The following DIAPH2 variants were observed in gnomAD, a reference collection of about 807,000 sequenced individuals.
The protein encoded by DIAPH2 is protein diaphanous homolog 2.
In DIAPH2, 35 loss-of-function variants were observed where a neutral mutation model predicts 92.7. The observed-to-expected ratio is 0.38, with a 90% CI of 0.29 to 0.50. DIAPH2 has a LOEUF of 0.50. Ranked by LOEUF, DIAPH2 falls within the 20% of genes least tolerant of loss-of-function variation. DIAPH2 has a pLI of 0.94. For missense variants in DIAPH2, 701 were observed against 819.5 expected (o/e 0.86, Z 1.77); for synonymous variants, 301 against 280.4 (o/e 1.07, Z -0.73).
intron 23 of DIAPH2, among the ~76,000 whole-genome samples, chrX:97,278,722 T>G (rs943304622): frequency 8.9e-6 from 1 of 112,289 alleles, no homozygotes; most frequent in African/African-American, 3.2e-5. Context: ...TTTTTGAAAA[T>G]AGCTCCAAGA....
chrX:97,557,266 C>T (rs765153455), intron 26 of DIAPH2, among the ~76,000 whole-genome samples: 6 of 111,268 alleles, frequency 5.4e-5, no homozygotes, highest in South Asian at 3.8e-4. Flanking sequence ...AGGCCAGGCA[C>T]GGTGGCTCAC....
chrX:97,145,501 AT>A (rs1272498448), intron 22 of DIAPH2, among the ~76,000 whole-genome samples: 4 of 108,875 alleles, frequency 3.7e-5, no homozygotes, highest in Non-Finnish European at 5.7e-5. Context: ...CCTTTTATAT[AT>A]TTTTTTCTTT....
chrX:97,587,405 C>T (rs149093546), intron 26 of DIAPH2, among the ~76,000 whole-genome samples: 86 of 111,470 alleles, frequency 7.7e-4, no homozygotes, highest in African/African-American at 2.7e-3. Flanking sequence ...CCTAAAGCAG[C>T]GAAGTAATAG....
chrX:97,236,480 T>C (rs2068047954), intron 22 of DIAPH2, among the ~76,000 whole-genome samples: 1 of 111,177 alleles, frequency 9.0e-6, no homozygotes, highest in Admixed American at 9.6e-5. Context: ...TTATTGAAGA[T>C]ACCATTTACC....
chrX:96,906,113 C>T (rs1285473102), intron 5 of DIAPH2, among the ~76,000 whole-genome samples: 1 of 111,974 alleles, frequency 8.9e-6, no homozygotes, highest in Non-Finnish European at 1.9e-5. Flanking sequence ...TGGGAGGCAG[C>T]GAGACTCCGT....
chrX:97,412,828 C>A (rs1396182933), intron 25 of DIAPH2, among the ~76,000 whole-genome samples: 1 of 112,037 alleles, frequency 8.9e-6, no homozygotes, highest in Non-Finnish European at 1.9e-5. Flanking sequence ...TTCCTGGACA[C>A]ATACACCATC....
intron 4 of DIAPH2, among the ~76,000 whole-genome samples, chrX:96,849,371 G>T (rs1158869337): frequency 9.0e-6 from 1 of 111,301 alleles, no homozygotes; most frequent in South Asian, 3.8e-4. Flanking sequence ...TCGCCACGTT[G>T]ACCAGGCTGA....
chrX:97,404,626 T>C (rs1023737363), intron 25 of DIAPH2, among the ~76,000 whole-genome samples: 2 of 112,372 alleles, frequency 1.8e-5, no homozygotes, highest in Non-Finnish European at 3.8e-5. Context: ...ACTAGAATAA[T>C]TTTATTTACC....
chrX:97,530,308 C>T (rs967531254), intron 26 of DIAPH2, among the ~76,000 whole-genome samples: 3 of 111,893 alleles, frequency 2.7e-5, no homozygotes, highest in African/African-American at 9.7e-5. Context: ...GGAGCTTTCC[C>T]ACTCATAGTA....
intron 17 of DIAPH2, among the ~76,000 whole-genome samples, chrX:96,977,199 C>A (rs5920651): frequency 0.31 from 34,112 of 110,864 alleles, 4,714 homozygotes; most frequent in South Asian, 0.51. Context: ...TCCTATTATC[C>A]TGGCACTAAA....
At chrX:97,241,212 A>G (rs2068090229) in intron 22 of DIAPH2, among the ~76,000 whole-genome samples, 1 of 112,408 alleles carries the variant, frequency 8.9e-6, no homozygotes, top group African/African-American at 3.2e-5. Flanking sequence ...ATAAGTTAAT[A>G]CATAAAACTA....
At chrX:97,251,527 G>A (rs1000359499) in intron 23 of DIAPH2, among the ~76,000 whole-genome samples, 23 of 109,308 alleles carry the variant, frequency 2.1e-4, no homozygotes, top group Non-Finnish European at 5.7e-5. Context: ...GGGTTCAAAC[G>A]ATTATCCTGC....
intron 25 of DIAPH2, among the ~76,000 whole-genome samples, chrX:97,384,468 A>G (rs963907911): frequency 5.4e-5 from 6 of 111,949 alleles, no homozygotes; most frequent in Non-Finnish European, 1.1e-4. Context: ...TTTAAGTCCT[A>G]AGAAATATTG....
At chrX:96,885,800 T>C (rs928016448) in intron 5 of DIAPH2, among the ~76,000 whole-genome samples, 6 of 111,956 alleles carry the variant, frequency 5.4e-5, no homozygotes, top group African/African-American at 1.9e-4. Flanking sequence ...TTACAATTTA[T>C]TGTAGTTGTA....
In DIAPH2 at chrX:97,136,877, C is replaced by A. The variant is rs144607142; in HGVS notation, c.2590-4788C>A. On this transcript the variant is annotated intron_variant, in intron 21 of 26. Coordinates refer to ENST00000324765, the MANE Select transcript of DIAPH2 (RefSeq NM_006729.5). ...CCTTTTTTTGTCTTTTCTACACATA[C>A]CCTAGTTATCATTTTAAGTATATCA... 7.5e-3 allele frequency among the ~76,000 whole-genome samples: 829 copies of A among 110,400 alleles called. 28 individuals are homozygous for A. The East Asian group carries it at 0.13, about 18-fold the overall frequency.
chrX:96,691,288 C>T lies in DIAPH2; in HGVS notation c.132+6098C>T, dbSNP rs754099361. Among the ~76,000 whole-genome samples the T allele has an allele frequency of 1.8e-3, 196 of 111,167 alleles. 1 individual carries two copies. Among genetic ancestry groups the T allele is most frequent in the Non-Finnish European group, 2.9e-3 (155 of 53,057 alleles). ...TGGGGTGTTTGATACATTTTTTTCC[C>T]CTCAAGACAGGAGAAACTATGATGA... On this transcript the variant is annotated intron_variant, in intron 1 of 26. Coordinates refer to ENST00000324765, the MANE Select transcript of DIAPH2 (RefSeq NM_006729.5).
At chrX:96,867,288 G>A (rs776110578) in intron 4 of DIAPH2, among the ~76,000 whole-genome samples, 151 of 110,740 alleles carry the variant, frequency 1.4e-3, no homozygotes, top group African/African-American at 4.7e-3. Flanking sequence ...GCATGATCTC[G>A]GCTCACTGCA....
At chrX:97,589,945 T>G (rs1236918362) in intron 26 of DIAPH2, among the ~76,000 whole-genome samples, 1 of 112,301 alleles carries the variant, frequency 8.9e-6, no homozygotes, top group Non-Finnish European at 1.9e-5. Context: ...GCTTCTACCT[T>G]AAGGGACAAT....
intron 4 of DIAPH2, among the ~76,000 whole-genome samples, chrX:96,861,386 A>G (rs1338618057): frequency 8.9e-6 from 1 of 111,952 alleles, no homozygotes. Flanking sequence ...CTTGTGTTTC[A>G]TACTTGATTC....
Sources: gnomAD v4.1 joint callset for allele counts (sites outside exome capture counted in the v4.1 genomes callset) on GRCh38, gnomAD v4.1.1 for gene constraint, MANE v1.5 for transcripts, NCBI Gene and HGNC (gene_info 2026-07-23, HGNC 2026-07-21) for gene names.